The following DOCK4 variants were observed in gnomAD, a reference collection of about 807,000 sequenced individuals.
DOCK4 encodes dedicator of cytokinesis 4, also known as dedicator of cytokinesis protein 4.
Under a neutral mutation model 268.1 loss-of-function variants are expected in DOCK4, and 97 were observed. That is an observed-to-expected ratio of 0.36 (90% confidence interval 0.31 to 0.43). DOCK4 has a LOEUF of 0.43. Among genes scored for constraint, DOCK4 ranks in the 20% least tolerant of loss-of-function variants. DOCK4 has a pLI of 1.00. For missense variants in DOCK4, 2,145 were observed against 2,455.7 expected, an observed-to-expected ratio of 0.87 and a Z score of 2.67; for synonymous variants, 954 against 887.2, an observed-to-expected ratio of 1.08 and a Z score of -1.34.
At chr7:112,153,547 C>T (rs1816302710) in intron 1 of DOCK4, among the ~76,000 whole-genome samples, 2 of 152,124 alleles carry the variant, frequency 1.3e-5, no homozygotes, top group South Asian at 4.1e-4. Flanking sequence ...CAATTCCCAG[C>T]TTATCAATTT....
chr7:111,729,784 G>C (rs745310226), intron 52 of DOCK4, among the ~76,000 whole-genome samples: 1 of 152,190 alleles, frequency 6.6e-6, no homozygotes, highest in Non-Finnish European at 1.5e-5. Flanking sequence ...GGCACCCGAG[G>C]TTCTGCACCT....
intron 12 of DOCK4, among the ~76,000 whole-genome samples, chr7:111,926,427 A>T (rs1374074668): frequency 1.3e-5 from 2 of 148,406 alleles, no homozygotes; most frequent in Admixed American, 6.7e-5. Flanking sequence ...GAGACAAAGA[A>T]AAAAGAAAGA....
chr7:111,922,072 G>A lies in DOCK4; in HGVS notation c.1067-6168C>T, dbSNP rs557782378. ...ACGATAAGTACAATTAGACATATGCGAAGGCGGTGAAATTCCTAATGACAT... is the reference window on the plus strand; with the variant it reads ...ACGATAAGTACAATTAGACATATGCAAAGGCGGTGAAATTCCTAATGACAT... On this transcript the variant is annotated intron_variant, in intron 12 of 52. Coordinates refer to ENST00000428084, the MANE Select transcript of DOCK4 (RefSeq NM_001363540.2). Among the ~76,000 whole-genome samples, 97 of 152,288 alleles carry A rather than the reference G, an allele frequency of 6.4e-4. 1 individual carries two copies. Among genetic ancestry groups the A allele is most frequent in the African/African-American group, 2.3e-3 (94 of 41,568 alleles).
At chr7:112,144,581 G>C (rs1393374401) in intron 1 of DOCK4, among the ~76,000 whole-genome samples, 1 of 152,186 alleles carries the variant, frequency 6.6e-6, no homozygotes, top group African/African-American at 2.4e-5. Flanking sequence ...AGGAGGACCA[G>C]GGTATCTCCA....
chr7:111,938,686 T>C (rs1794937440), intron 11 of DOCK4, among the ~76,000 whole-genome samples: 2 of 152,268 alleles, frequency 1.3e-5, no homozygotes, highest in South Asian at 2.1e-4. Context: ...CCAACAAAGG[T>C]AACGTTGAAG....
chr7:112,158,057 T>G (rs1334612628), intron 1 of DOCK4, among the ~76,000 whole-genome samples: 2 of 152,324 alleles, frequency 1.3e-5, no homozygotes, highest in Non-Finnish European at 2.9e-5. Flanking sequence ...AATACTGAAA[T>G]GCAGTTATCT....
intron 27 of DOCK4, among the ~76,000 whole-genome samples, chr7:111,822,047 C>T (rs1013999808): frequency 6.6e-6 from 1 of 152,108 alleles, no homozygotes; most frequent in African/African-American, 2.4e-5. Context: ...TATTACATTA[C>T]CTGCTGGTCT....
chr7:112,166,469 G>A (rs1050569824), intron 1 of DOCK4, among the ~76,000 whole-genome samples: 3 of 152,124 alleles, frequency 2.0e-5, no homozygotes, highest in Non-Finnish European at 2.9e-5. Context: ...ATGTGCGTAC[G>A]TTATTCTAAG....
At chr7:112,182,320 T>C (rs1340103924) in intron 1 of DOCK4, among the ~76,000 whole-genome samples, 1 of 152,220 alleles carries the variant, frequency 6.6e-6, no homozygotes, top group Non-Finnish European at 1.5e-5. Context: ...GACAGCTAGA[T>C]TTATAATGTA....
chr7:112,032,424 G>C (rs1312188895), intron 1 of DOCK4, among the ~76,000 whole-genome samples: 5 of 152,162 alleles, frequency 3.3e-5, no homozygotes, highest in Non-Finnish European at 7.3e-5. Context: ...AGATTTTTAG[G>C]AAAACCTTTC....
rs112475844 is a variant in DOCK4 at position 111,769,781 on chromosome 7, T to C, written c.3680-104A>G. The C allele has an allele frequency of 1.8e-5, 25 of 1,377,344 alleles. No individual in the cohort carries two copies. The African/African-American group carries it at 2.6e-4, about 14-fold the overall frequency. The allele number at this position is 1,377,344 out of a possible 1,614,324, so 85.3% of individuals were successfully genotyped here. On this transcript the variant is annotated intron_variant, in intron 36 of 52. Coordinates refer to ENST00000428084, the MANE Select transcript of DOCK4 (RefSeq NM_001363540.2). Reference sequence around the variant, plus strand: ...ACTGGGGAAAAAAAATACTATTTTCTAAATTTCGTGATATAGCAGAAAAAT... The same window carrying C: ...ACTGGGGAAAAAAAATACTATTTTCCAAATTTCGTGATATAGCAGAAAAAT...
intron 26 of DOCK4, among the ~76,000 whole-genome samples, chr7:111,827,747 G>A (rs996651463): frequency 6.6e-6 from 1 of 152,128 alleles, no homozygotes; most frequent in Non-Finnish European, 1.5e-5. Flanking sequence ...GTGACTGAAA[G>A]GTGTTTAGAA....
At position 111,868,014 on chromosome 7, in the gene DOCK4, G is replaced by T; in HGVS notation, c.2250C>A (p.Ser750Arg). The change falls in exon 22 of 53, where the codon AGC (serine) becomes AGA (arginine). Residue 750 changes from serine (S) to arginine (R), a missense_variant. Physicochemically the swap from Ser to Arg is moderately radical, Grantham distance 110. Around this residue, in one of 2 missense-constraint regions of DOCK4, gnomAD observed 1,598 missense variants for 1,986.7 expected, o/e 0.80. Transcript: ENST00000428084. ...ACTGAGATAATGCTCCAGACCCTTT[G>T]CTCTCTTGCGAAAGAAAGAAACGGA... ...MSVRFFLSQE[S>R]KGSGALSQSQ... 6.2e-7 allele frequency: 1 copy of T among 1,611,886 alleles called. No individual in the cohort carries two copies. The highest frequency in any genetic ancestry group is 8.5e-7 in the Non-Finnish European group (1 of 1,179,044).
At chr7:112,200,082 A>T (rs952451509) in intron 1 of DOCK4, among the ~76,000 whole-genome samples, 3 of 152,240 alleles carry the variant, frequency 2.0e-5, no homozygotes, top group African/African-American at 7.2e-5. Context: ...CATGAAAGGA[A>T]CTTCACAGAA....
chr7:111,728,779 C>T lies in DOCK4; in HGVS notation c.5482-59G>A, dbSNP rs192948224. 7.4e-5 allele frequency: 111 copies of T among 1,491,118 alleles called. No homozygotes were observed. In the African/African-American group the frequency reaches 1.1e-3, roughly 15 times the overall value. 92.4% of individuals were successfully genotyped at this position (1,491,118 alleles called of 1,614,324 possible). On this transcript the variant is annotated intron_variant, in intron 52 of 52. Coordinates refer to ENST00000428084, the MANE Select transcript of DOCK4 (RefSeq NM_001363540.2). ...CAGCATTGAGTCGTGAACGCAGATGCGCTGAAATGTACGCCCCGACGCGGA... is the reference window on the plus strand; with the variant it reads ...CAGCATTGAGTCGTGAACGCAGATGTGCTGAAATGTACGCCCCGACGCGGA...
chr7:112,067,118 G>A (rs1042109856), intron 1 of DOCK4, among the ~76,000 whole-genome samples: 1 of 151,656 alleles, frequency 6.6e-6, no homozygotes, highest in African/African-American at 2.4e-5. Flanking sequence ...GGTGGAGGTT[G>A]CAGTGAGCCA....
At chr7:112,049,794 C>A (rs1042744900) in intron 1 of DOCK4, among the ~76,000 whole-genome samples, 4 of 152,038 alleles carry the variant, frequency 2.6e-5, no homozygotes, top group African/African-American at 9.7e-5. Flanking sequence ...ATCAAGGGGA[C>A]CTACCAATCC....
intron 23 of DOCK4, among the ~76,000 whole-genome samples, chr7:111,854,399 C>A (rs191845155): frequency 6.6e-6 from 1 of 152,230 alleles, no homozygotes; most frequent in Non-Finnish European, 1.5e-5. Context: ...CCCTCTCACA[C>A]GGACCCCCTT....
At chr7:111,886,147 T>C (rs1393726871) in intron 16 of DOCK4, among the ~76,000 whole-genome samples, 1 of 152,150 alleles carries the variant, frequency 6.6e-6, no homozygotes, top group Non-Finnish European at 1.5e-5. Flanking sequence ...ATTAGTCAAA[T>C]TAAGGGGTCT....
Sources: allele counts gnomAD v4.1 joint callset (sites outside exome capture counted in the v4.1 genomes callset), GRCh38; gene constraint gnomAD v4.1.1; regional missense constraint gnomAD v4.1.1; transcripts MANE v1.5; gene names NCBI Gene and HGNC (gene_info 2026-07-23, HGNC 2026-07-21).